TC2N: variants seen among roughly 807,000 people sequenced by gnomAD.
TC2N encodes tandem C2 domains nuclear protein.
TC2N carries 51 observed loss-of-function variants against 61.9 expected under a neutral mutation model. The ratio of observed to expected loss-of-function variants is 0.82; its 90% confidence interval spans 0.66 to 1.04. The LOEUF is 1.04. Ranked by LOEUF, TC2N falls within the 50% of genes least tolerant of loss-of-function variation. The pLI, the probability that TC2N is intolerant of heterozygous loss-of-function variation, is 0.00. For missense variants in TC2N, 556 were observed against 566.7 expected (o/e 0.98, Z 0.19); for synonymous variants, 204 against 192.6 (o/e 1.06, Z -0.49).
At chr14:91,862,159 G>A (rs1279741567) in intron 1 of TC2N, among the ~76,000 whole-genome samples, 2 of 151,406 alleles carry the variant, frequency 1.3e-5, no homozygotes, top group Non-Finnish European at 2.9e-5. Flanking sequence ...GCAACATGGC[G>A]AAACCCCATC....
At chr14:91,821,907 AAC>A (rs567214013) in intron 1 of TC2N, among the ~76,000 whole-genome samples, 72 of 152,272 alleles carry the variant, frequency 4.7e-4, no homozygotes, top group African/African-American at 1.7e-3. Flanking sequence ...AAACATGCTC[AAC>A]ACAGTTAGTG....
intron 1 of TC2N, among the ~76,000 whole-genome samples, chr14:91,817,828 T>G (rs75756657): frequency 0.09 from 13,751 of 152,110 alleles, 718 homozygotes; most frequent in South Asian, 0.24. Context: ...GAGAAAAGTT[T>G]ATATGAATGA....
At chr14:91,855,314 TC>T (rs1466347277) in intron 1 of TC2N, among the ~76,000 whole-genome samples, 4 of 152,216 alleles carry the variant, frequency 2.6e-5, no homozygotes, top group African/African-American at 9.6e-5. Context: ...ACGTTTATTC[TC>T]TCACAGTTCT....
At chr14:91,797,633 G>T in intron 8 of TC2N, 152 bp downstream of exon 8, 1 of 568,148 alleles carries the variant, frequency 1.8e-6, no homozygotes, top group Non-Finnish European at 3.0e-6. Context: ...ATATTTTTCA[G>T]ACTCAAAGTT....
chr14:91,864,777 C>CTTTTTTTTTTTTT (rs5810557), intron 1 of TC2N, among the ~76,000 whole-genome samples: 2 of 70,800 alleles, frequency 2.8e-5, no homozygotes, highest in Non-Finnish European at 6.1e-5. Context: ...CTGCCTTCAT[C>CTTTTTTTTTTTTT]TTTTTTTTTT....
rs551661284 is a variant in TC2N, at chr14:91,803,557, A to T, written c.302-1136T>A. On this transcript the variant is annotated intron_variant, in intron 3 of 11. Coordinates refer to ENST00000435962, the MANE Select transcript of TC2N (RefSeq NM_001128596.3). Reference sequence around the variant, plus strand: ...AACCTCCACCTTCTGGGTTCAAGCTATTCTCCTGCCTCAGCCTCCGAAGTA... The same window carrying T: ...AACCTCCACCTTCTGGGTTCAAGCTTTTCTCCTGCCTCAGCCTCCGAAGTA... 2.4e-4 allele frequency among the ~76,000 whole-genome samples: 36 copies of T among 152,170 alleles called. No individual in the cohort carries two copies. The East Asian group carries it at 6.6e-3, about 28-fold the overall frequency.
At chr14:91,790,089 CG>C (rs1301223146) in intron 9 of TC2N, among the ~76,000 whole-genome samples, 5 of 152,124 alleles carry the variant, frequency 3.3e-5, no homozygotes, top group African/African-American at 1.2e-4. Flanking sequence ...CTCCACAAAA[CG>C]GATAAAGAAC....
At chr14:91,854,851 G>A (rs1384997556) in intron 1 of TC2N, among the ~76,000 whole-genome samples, 2 of 152,154 alleles carry the variant, frequency 1.3e-5, no homozygotes, top group Non-Finnish European at 2.9e-5. Flanking sequence ...TAGACTGAAG[G>A]ACAGGAAATA....
chr14:91,816,361 T>G (rs1887001147), intron 1 of TC2N, among the ~76,000 whole-genome samples: 1 of 151,904 alleles, frequency 6.6e-6, no homozygotes, highest in South Asian at 2.1e-4. Flanking sequence ...TTAATTTATA[T>G]CTCTCTTATT....
chr14:91,810,890 C>A (rs1215841837), intron 3 of TC2N, among the ~76,000 whole-genome samples: 2 of 149,418 alleles, frequency 1.3e-5, no homozygotes, highest in African/African-American at 4.9e-5. Flanking sequence ...TCTCAGAGAC[C>A]CATAGAACAA....
intron 1 of TC2N, among the ~76,000 whole-genome samples, chr14:91,844,342 A>G (rs1888223700): frequency 6.6e-6 from 1 of 152,246 alleles, no homozygotes; most frequent in Non-Finnish European, 1.5e-5. Context: ...TACAACTTCA[A>G]TAGGAAACGG....
At chr14:91,823,213 G>A (rs940840125) in intron 1 of TC2N, among the ~76,000 whole-genome samples, 5 of 151,998 alleles carry the variant, frequency 3.3e-5, no homozygotes, top group Non-Finnish European at 4.4e-5. Flanking sequence ...TAGCAGAGCC[G>A]AAGGCTTAGA....
chr14:91,834,010 T>A (rs1262787182), intron 1 of TC2N, among the ~76,000 whole-genome samples: 3 of 152,226 alleles, frequency 2.0e-5, no homozygotes, highest in African/African-American at 7.2e-5. Context: ...CCTGAATGCA[T>A]AATAATAATT....
chr14:91,842,433 G>C (rs1888181382), intron 1 of TC2N, among the ~76,000 whole-genome samples: 1 of 152,190 alleles, frequency 6.6e-6, no homozygotes, highest in Non-Finnish European at 1.5e-5. Context: ...TTACATAATA[G>C]AACAACTGAC....
At chr14:91,803,426 C>CATAT (rs1474509032) in intron 3 of TC2N, among the ~76,000 whole-genome samples, 1 of 66,612 alleles carries the variant, frequency 1.5e-5, no homozygotes, top group Non-Finnish European at 3.0e-5. Context: ...CACACACACA[C>CATAT]ACATATATAT....
intron 1 of TC2N, chr14:91,836,390 C>T (rs1297430196): frequency 6.6e-5 from 10 of 152,150 alleles, no homozygotes; most frequent in Non-Finnish European, 1.3e-4. Flanking sequence ...GCAGTGGGCG[C>T]TCTGCTGTCG....
intron 1 of TC2N, among the ~76,000 whole-genome samples, chr14:91,845,879 C>T (rs573381076): frequency 1.3e-5 from 2 of 152,218 alleles, no homozygotes; most frequent in Non-Finnish European, 2.9e-5. Flanking sequence ...GGCTCAGGAG[C>T]CACCACCTTA....
At chr14:91,864,061 C>T (rs1351842716) in intron 1 of TC2N, among the ~76,000 whole-genome samples, 2 of 152,084 alleles carry the variant, frequency 1.3e-5, no homozygotes, top group East Asian at 1.9e-4. Context: ...GTCCTCAGTT[C>T]TCCCTTACCT....
In TC2N at chr14:91,780,975, T is replaced by A. The variant is rs948567087; in HGVS notation, c.*2125A>T. Reference sequence around the variant, plus strand: ...AGCTCTTTTAAATGTAAGGGTTTTCTTTTTATTGTTTTATTTACCTAGGAT... The same window carrying A: ...AGCTCTTTTAAATGTAAGGGTTTTCATTTTATTGTTTTATTTACCTAGGAT... On this transcript the variant is annotated 3_prime_UTR_variant, in exon 12 of 12. Transcript: ENST00000435962. 2.6e-5 allele frequency: 4 copies of A among 151,656 alleles called. No individual in the cohort carries two copies. Among genetic ancestry groups the A allele is most frequent in the Non-Finnish European group, 5.9e-5 (4 of 67,998 alleles). 9.4% of individuals were successfully genotyped at this position (151,656 alleles called of 1,614,324 possible).
Sources: allele counts gnomAD v4.1 joint callset (sites outside exome capture counted in the v4.1 genomes callset), GRCh38; gene constraint gnomAD v4.1.1; transcripts MANE v1.5; gene names NCBI Gene and HGNC (gene_info 2026-07-23, HGNC 2026-07-21).